Variants in NAALADL2 observed in about 807,000 individuals in gnomAD.
NAALADL2 encodes the protein inactive N-acetylated-alpha-linked acidic dipeptidase-like protein 2.
NAALADL2 carries 76 observed loss-of-function variants against 87.2 expected under a neutral mutation model. That is an observed-to-expected ratio of 0.87 (90% CI 0.72 to 1.05). The LOEUF is 1.05. Among genes scored for constraint, NAALADL2 ranks in the 50% least tolerant of loss-of-function variants. The pLI is 0.00. For synonymous variants in NAALADL2, 354 were observed against 331.0 expected (o/e 1.07, Z -0.75); for missense variants, 1,089 against 945.8 (o/e 1.15, Z -1.99).
At chr3:174,552,084 G>A (rs1341177811) in intron 2 of NAALADL2, among the ~76,000 whole-genome samples, 1 of 152,090 alleles carries the variant, frequency 6.6e-6, no homozygotes, top group South Asian at 2.1e-4. Flanking sequence ...GATACTAATC[G>A]TATTAGTGAA....
intron 2 of NAALADL2, among the ~76,000 whole-genome samples, chr3:175,153,783 A>G (rs1323126835): frequency 6.6e-6 from 1 of 152,138 alleles, no homozygotes; most frequent in Non-Finnish European, 1.5e-5. Context: ...AGATTACTGA[A>G]ATAGGGGTGG....
intron 2 of NAALADL2, among the ~76,000 whole-genome samples, chr3:174,635,320 T>A (rs1722524759): frequency 6.6e-6 from 1 of 152,202 alleles, no homozygotes; most frequent in African/African-American, 2.4e-5. Context: ...AAGGTAAGGA[T>A]TATATTTTTT....
At chr3:174,684,812 C>T (rs1727875372) in intron 2 of NAALADL2, among the ~76,000 whole-genome samples, 1 of 152,042 alleles carries the variant, frequency 6.6e-6, no homozygotes, top group African/African-American at 2.4e-5. Flanking sequence ...TATTAAGGAG[C>T]CTGATGCAAA....
intron 2 of NAALADL2, among the ~76,000 whole-genome samples, chr3:175,197,382 T>A (rs964429076): frequency 6.6e-6 from 1 of 152,068 alleles, no homozygotes; most frequent in Non-Finnish European, 1.5e-5. Flanking sequence ...GTATATTTTA[T>A]GCATTCATGA....
chr3:174,912,764 T>C (rs554917312), intron 1 of NAALADL2, among the ~76,000 whole-genome samples: 6 of 152,316 alleles, frequency 3.9e-5, no homozygotes, highest in Admixed American at 1.3e-4. Flanking sequence ...TAGAATTATA[T>C]ATTGATATTT....
chr3:174,778,024 A>G lies in NAALADL2; in HGVS notation c.-9+40278A>G, dbSNP rs182545298. 3.7e-4 allele frequency among the ~76,000 whole-genome samples: 57 copies of G among 152,254 alleles called. No individual in the cohort carries two copies. The East Asian group carries it at 0.01, about 27-fold the overall frequency. On this transcript the variant is annotated intron_variant, in intron 3 of 3. Transcript: ENST00000434257. ...GTACTAGCATTCCAATGCTATGACA[A>G]TTACACAGATTTTAAAACTTCTATT...
At chr3:175,650,349 A>G (rs1263166424) in intron 11 of NAALADL2, among the ~76,000 whole-genome samples, 1 of 152,220 alleles carries the variant, frequency 6.6e-6, no homozygotes, top group African/African-American at 2.4e-5. Context: ...GATTGCAAAT[A>G]GAACTCAAAG....
At chr3:174,489,493 G>A in intron 1 of NAALADL2, among the ~76,000 whole-genome samples, 1 of 151,898 alleles carries the variant, frequency 6.6e-6, no homozygotes, top group Non-Finnish European at 1.5e-5. Flanking sequence ...ATAAATTAGA[G>A]TTCATCAAAA....
At chr3:174,689,868 T>C (rs1216559215) in intron 2 of NAALADL2, among the ~76,000 whole-genome samples, 1 of 152,156 alleles carries the variant, frequency 6.6e-6, no homozygotes, top group Non-Finnish European at 1.5e-5. Flanking sequence ...GTAAAGCTAT[T>C]CATTATTGAT....
intron 4 of NAALADL2, among the ~76,000 whole-genome samples, chr3:175,263,719 AAGAG>A (rs541603071): frequency 2.6e-5 from 4 of 151,760 alleles, no homozygotes; most frequent in African/African-American, 9.7e-5. Flanking sequence ...AATAGCAAGG[AAGAG>A]AGAGAGAAAA....
intron 4 of NAALADL2, among the ~76,000 whole-genome samples, chr3:175,284,186 GT>G (rs34562094): frequency 4.9e-4 from 70 of 142,706 alleles, no homozygotes; most frequent in Non-Finnish European, 7.3e-4. Flanking sequence ...TTTACACTGT[GT>G]TTTTTTTTTT....
chr3:175,094,622 C>G (rs13314558), intron 1 of NAALADL2, among the ~76,000 whole-genome samples: 16,875 of 151,150 alleles, frequency 0.11, 1,027 homozygotes, highest in Middle Eastern at 0.19. Context: ...CAAGACCAAA[C>G]AAGAAGAGAT....
chr3:174,605,654 G>A (rs1174570697), intron 2 of NAALADL2, among the ~76,000 whole-genome samples: 1 of 152,126 alleles, frequency 6.6e-6, no homozygotes, highest in Non-Finnish European at 1.5e-5. Context: ...GGTAAACACA[G>A]CAGCCAGGAA....
At chr3:175,411,686 T>C (rs186965411) in intron 5 of NAALADL2, among the ~76,000 whole-genome samples, 36 of 152,276 alleles carry the variant, frequency 2.4e-4, no homozygotes, top group Admixed American at 2.0e-3. Context: ...AATATGACTG[T>C]GTCCATTTGA....
intron 2 of NAALADL2, among the ~76,000 whole-genome samples, chr3:174,636,277 C>T (rs937127138): frequency 3.9e-5 from 6 of 152,048 alleles, no homozygotes; most frequent in African/African-American, 1.2e-4. Flanking sequence ...CATTGGTCTA[C>T]TCAAAGATTT....
chr3:174,898,780 A>AT (rs34698954), intron 1 of NAALADL2, among the ~76,000 whole-genome samples: 28,169 of 152,126 alleles, frequency 0.19, 2,866 homozygotes, highest in East Asian at 0.32. Flanking sequence ...ACTAAACTGT[A>AT]TTTTTTGGAA....
intron 2 of NAALADL2, among the ~76,000 whole-genome samples, chr3:174,556,531 T>TA (rs889929275): frequency 4.0e-5 from 6 of 151,326 alleles, no homozygotes; most frequent in East Asian, 1.9e-4. Flanking sequence ...TCTCTTGGTT[T>TA]AAAAAAAAAT....
intron 2 of NAALADL2, among the ~76,000 whole-genome samples, chr3:174,619,645 T>C (rs944580283): frequency 6.6e-6 from 1 of 152,022 alleles, no homozygotes; most frequent in Admixed American, 6.6e-5. Context: ...CACTTCAGCT[T>C]CCTGAGTCTG....
intron 1 of NAALADL2, among the ~76,000 whole-genome samples, chr3:174,948,162 CTTATTTATTTAT>C (rs140866333): frequency 3.3e-5 from 5 of 150,090 alleles, no homozygotes; most frequent in East Asian, 4.0e-4. Flanking sequence ...CCATATAGAA[CTTATTTATTTAT>C]TTATTTATTT....
Sources: gnomAD v4.1 joint callset for allele counts (sites outside exome capture counted in the v4.1 genomes callset) on GRCh38, gnomAD v4.1.1 for gene constraint, MANE v1.5 for transcripts, NCBI Gene and HGNC (gene_info 2026-07-23, HGNC 2026-07-21) for gene names.